Variants in LRRFIP1 observed in about 807,000 individuals in gnomAD.
LRRFIP1 encodes the protein LRR binding FLII interacting protein 1, also known as leucine-rich repeat flightless-interacting protein 1.
Under a neutral mutation model 104.4 loss-of-function variants are expected in LRRFIP1, and 62 were observed. The ratio of observed to expected loss-of-function variants is 0.59; its 90% CI spans 0.48 to 0.73. The LOEUF (loss-of-function observed/expected upper bound fraction) is 0.73, where lower values mean the gene tolerates loss of function less well. LRRFIP1 is among the 30% of genes least tolerant of loss of function. The pLI is 0.00. For synonymous variants in LRRFIP1, 300 were observed against 299.0 expected, an observed-to-expected ratio of 1.00 and a Z score of -0.03; for missense variants, 796 against 824.5, an observed-to-expected ratio of 0.97 and a Z score of 0.42.
At chr2:237,749,094 C>A in intron 12 of LRRFIP1, 105 bp from the exon 13 acceptor site, 1 of 1,221,194 alleles carries the variant, frequency 8.2e-7, no homozygotes, top group Non-Finnish European at 1.1e-6. Context: ...CCCACCAGGG[C>A]CGTCCCTCAT....
chr2:237,778,812 G>A (rs1324135281), intron 23 of LRRFIP1, among the ~76,000 whole-genome samples: 1 of 152,060 alleles, frequency 6.6e-6, no homozygotes, highest in African/African-American at 2.4e-5. Context: ...AGCTACTCAG[G>A]AGGCTGAGAC....
At chr2:237,729,440 C>T (rs74855009) in intron 8 of LRRFIP1, among the ~76,000 whole-genome samples, 19,238 of 152,128 alleles carry the variant, frequency 0.13, 2,790 homozygotes, top group African/African-American at 0.36. Context: ...TTTAGTTACC[C>T]AAGGAGATAA....
intron 1 of LRRFIP1, among the ~76,000 whole-genome samples, chr2:237,679,504 C>T (rs968984866): frequency 6.6e-6 from 1 of 151,562 alleles, no homozygotes; most frequent in African/African-American, 2.4e-5. Flanking sequence ...TAAATACTTG[C>T]GGATTATGTG....
chr2:237,715,895 G>A lies in LRRFIP1; in HGVS notation c.201+1619G>A, dbSNP rs2094315174. Among the ~76,000 whole-genome samples, 3 of 152,174 alleles carry A rather than the reference G, an allele frequency of 2.0e-5. No individual in the cohort carries two copies. The South Asian group carries it at 6.2e-4, about 31-fold the overall frequency. ...AATTGCACTTGCTGTTACTAGGGGC[G>A]TTCTCTCCCCAGGAATGACATGGAA... On this transcript the variant is annotated intron_variant, in intron 3 of 23. Transcript: ENST00000308482.
At chr2:237,685,114 C>CG (rs2092257554) in intron 1 of LRRFIP1, among the ~76,000 whole-genome samples, 1 of 144,040 alleles carries the variant, frequency 6.9e-6, no homozygotes, top group African/African-American at 2.6e-5. Context: ...ACCCTCCCCC[C>CG]CCCACACAAA....
rs756979594 is a variant in LRRFIP1, at chr2:237,708,643, G to A, written c.183+13G>A. 10 of 1,588,260 alleles carry A rather than the reference G, an allele frequency of 6.3e-6. No individual in the cohort carries two copies. Among genetic ancestry groups the A allele is most frequent in the East Asian group, 2.3e-5 (1 of 43,932 alleles). ...GCAGCAGAAGGAGGTAACGCTTGGGGCTCCTTGTTGGGTCTTTTCACAGTG... is the reference window on the plus strand; with the variant it reads ...GCAGCAGAAGGAGGTAACGCTTGGGACTCCTTGTTGGGTCTTTTCACAGTG... On this transcript the variant is annotated intron_variant, in intron 2 of 23. Transcript: ENST00000308482.
At chr2:237,682,185 T>C (rs1165380532) in intron 1 of LRRFIP1, among the ~76,000 whole-genome samples, 1 of 152,228 alleles carries the variant, frequency 6.6e-6, no homozygotes, top group Admixed American at 6.5e-5. Flanking sequence ...CTAGAGCCCC[T>C]TGTTTTGCGG....
chr2:237,755,279 A>G (rs927589279), intron 15 of LRRFIP1, among the ~76,000 whole-genome samples: 1 of 152,170 alleles, frequency 6.6e-6, no homozygotes, highest in Non-Finnish European at 1.5e-5. Context: ...TTGCTCCCCC[A>G]AACTCTCCTG....
rs572014156 is a variant in LRRFIP1 at position 237,734,026 on chromosome 2, C to G, written c.489+208C>G. 2.6e-5 allele frequency among the ~76,000 whole-genome samples: 4 copies of G among 152,344 alleles called. No individual in the cohort carries two copies. The East Asian group carries it at 5.8e-4, about 22-fold the overall frequency. On this transcript the variant is annotated intron_variant, in intron 9 of 23. Coordinates refer to ENST00000308482, the MANE Select transcript of LRRFIP1 (RefSeq NM_001137550.2). ...TCCCCCGATTGTTGACTGTAGCTGC[C>G]ACACTGCTCTGTCTCCAGGAAGCCT...
chr2:237,650,510 G>A (rs1002178112), intron 1 of LRRFIP1, among the ~76,000 whole-genome samples: 1 of 152,168 alleles, frequency 6.6e-6, no homozygotes, highest in African/African-American at 2.4e-5. Flanking sequence ...CTGGATGGCC[G>A]GGCAGGTTAC....
At chr2:237,723,743 A>AG (rs1473750167) in intron 7 of LRRFIP1, among the ~76,000 whole-genome samples, 157 bp downstream of exon 7, 1 of 152,250 alleles carries the variant, frequency 6.6e-6, no homozygotes, top group African/African-American at 2.4e-5. Flanking sequence ...CAGAGTGAGC[A>AG]GTCTTCCTCC....
At chr2:237,714,175 G>A (rs1170524848) in intron 2 of LRRFIP1, 84 bp from the exon 3 acceptor site, 57 of 920,342 alleles carry the variant, frequency 6.2e-5, no homozygotes, top group Non-Finnish European at 9.1e-5. Context: ...CATATGTCTA[G>A]TTACTTACAG....
At position 237,753,313 on chromosome 2, in the gene LRRFIP1, C is replaced by T; in HGVS notation, c.872C>T (p.Ser291Phe). The T allele has an allele frequency of 6.3e-7, 1 of 1,582,504 alleles. No individual in the cohort carries two copies. Among genetic ancestry groups the T allele is most frequent in the Non-Finnish European group, 8.5e-7 (1 of 1,172,224 alleles). Residue 291 changes from serine (S) to phenylalanine (F), a missense_variant, in exon 15 of 24, where the codon TCT (serine) becomes TTT (phenylalanine). By Grantham distance (155) the Ser-to-Phe change is radical (BLOSUM62 -2). Transcript: ENST00000308482. ...YMQGLKEMKD[S>F]LAEVEEKYKK... is the part of the protein sequence containing the mutation. ...AATATGACCTGCTTTCCACAGGACT[C>T]TCTAGCAGAAGTTGAAGAGAAATAT...
chr2:237,708,491 C>A, intron 1 of LRRFIP1, 53 bp from the exon 2 acceptor site: 1 of 1,377,798 alleles, frequency 7.3e-7, no homozygotes, highest in Non-Finnish European at 9.9e-7. Flanking sequence ...TGACCCTGTA[C>A]TGGGAAGGTG....
At chr2:237,676,930 C>T (rs903040609) in intron 1 of LRRFIP1, among the ~76,000 whole-genome samples, 1 of 152,236 alleles carries the variant, frequency 6.6e-6, no homozygotes, top group Non-Finnish European at 1.5e-5. Context: ...CCATCTGGCT[C>T]CTGTTTTCTG....
intron 1 of LRRFIP1, among the ~76,000 whole-genome samples, chr2:237,700,634 C>T (rs530569817): frequency 1.3e-5 from 2 of 152,178 alleles, no homozygotes; most frequent in South Asian, 2.1e-4. Flanking sequence ...CCCCGTGGGG[C>T]GTCATTTCCA....
intron 1 of LRRFIP1, among the ~76,000 whole-genome samples, chr2:237,685,096 G>T (rs2092242861): frequency 2.5e-5 from 2 of 78,778 alleles, no homozygotes; most frequent in African/African-American, 9.4e-5. Context: ...GTGAGACCTT[G>T]TCTCCCTACC....
intron 1 of LRRFIP1, among the ~76,000 whole-genome samples, chr2:237,662,354 G>A (rs1262251936): frequency 1.3e-5 from 2 of 152,068 alleles, no homozygotes; most frequent in African/African-American, 2.4e-5. Context: ...CCCCATCCAC[G>A]GGTTCTGGGT....
At chr2:237,685,241 A>G (rs1320359712) in intron 1 of LRRFIP1, among the ~76,000 whole-genome samples, 1 of 152,136 alleles carries the variant, frequency 6.6e-6, no homozygotes, top group Non-Finnish European at 1.5e-5. Context: ...GTATGGACTT[A>G]AAAAGCATCA....
Sources: allele counts gnomAD v4.1 joint callset (sites outside exome capture counted in the v4.1 genomes callset), GRCh38; gene constraint gnomAD v4.1.1; transcripts MANE v1.5; gene names NCBI Gene and HGNC (gene_info 2026-07-23, HGNC 2026-07-21).